The following TSPYL2 variants were observed in gnomAD, a reference collection of about 807,000 sequenced individuals.
TSPYL2 encodes the protein testis-specific Y-encoded-like protein 2.
In TSPYL2, 9 loss-of-function variants were observed where a neutral mutation model predicts 33.0. That is an observed-to-expected ratio of 0.27 (90% CI 0.16 to 0.48). The LOEUF is 0.48. Ranked by LOEUF, TSPYL2 falls within the 20% of genes least tolerant of loss-of-function variation. The probability of loss-of-function intolerance (pLI) is 0.99; values close to 1 mark genes in which losing one functional copy is unlikely to be tolerated. For missense variants in TSPYL2, 636 were observed against 586.2 expected (o/e 1.08, Z -0.88); for synonymous variants, 330 against 233.6 (o/e 1.41, Z -3.77).
chrX:53,084,403 A>G (rs1382550226), intron 1 of TSPYL2, 142 bp from the exon 2 acceptor site: 8 of 511,596 alleles, frequency 1.6e-5, no homozygotes, highest in Non-Finnish European at 2.2e-5. Context: ...GTTATGTCCC[A>G]TGACTCACTT....
intron 6 of TSPYL2, 113 bp downstream of exon 6, chrX:53,086,423 A>G: frequency 1.3e-6 from 1 of 763,586 alleles, no homozygotes; most frequent in Non-Finnish European, 1.9e-6. Context: ...GAGGAAAGAA[A>G]AAGCATTCTG....
Position 53,086,299 on chromosome X carries a change from G to T in TSPYL2, c.1907G>T (p.Gly636Val). ...IISDESVEEEGIEEGIQQDED... is the reference protein window; with the variant it reads ...IISDESVEEEVIEEGIQQDED... ...TCAGACGAATCAGTGGAAGAAGAGGGCATTGAGGAAGGTGAGCTAATCCCC... is the reference window on the plus strand; with the variant it reads ...TCAGACGAATCAGTGGAAGAAGAGGTCATTGAGGAAGGTGAGCTAATCCCC... The change falls in exon 6 of 7, where the codon GGC (glycine) becomes GTC (valine). Residue 636 changes from glycine (G) to valine (V), a missense_variant. Physicochemically the swap from Gly to Val is moderately radical, Grantham distance 109 (BLOSUM62 -3). Coordinates refer to ENST00000375442, the MANE Select transcript of TSPYL2 (RefSeq NM_022117.4). 8.3e-7 allele frequency: 1 copy of T among 1,203,570 alleles called. No homozygotes were observed. The highest frequency in any genetic ancestry group is 1.1e-6 in the Non-Finnish European group (1 of 891,102).
Position 53,084,573 on chromosome X carries a change from T to G in TSPYL2, c.836T>G (p.Leu279Trp). The change falls in exon 2 of 7, where the codon TTG becomes TGG. Residue 279 changes from leucine (L) to tryptophan (W), a missense_variant. By Grantham distance (61) the Leu-to-Trp change is moderately conservative. This residue lies in a region of TSPYL2 where 401 missense variants were observed against 363.0 expected (regional missense o/e 1.10). Transcript: ENST00000375442. ...AFLNHPRISI[L>W]INRRDEDIFR... The stretch of plus-strand genomic sequence containing the variant: ...CTCAACCACCCCAGAATTTCAATTT[T>G]GATCAACCGACGTGATGAAGACATT... 2 of 1,177,923 alleles carry G rather than the reference T, an allele frequency of 1.7e-6. No homozygotes were observed. The highest frequency in any genetic ancestry group is 1.1e-6 in the Non-Finnish European group (1 of 877,557).
At chrX:53,084,277 C>T (rs781871833) in intron 1 of TSPYL2, among the ~76,000 whole-genome samples, 4 of 112,191 alleles carry the variant, frequency 3.6e-5, no homozygotes, top group South Asian at 7.4e-4. Context: ...AGCCCCCAGA[C>T]GTGCATTTTG....
In TSPYL2 at chrX:53,083,308, A is replaced by G; in HGVS notation, c.807+3A>G. On this transcript the variant is annotated splice_donor_region_variant and intron_variant, in intron 1 of 6. Transcript: ENST00000375442. Reference sequence around the variant, plus strand: ...TCCCAGGCTTCTGGGTCAAAGCAGTATCCTTCTAATCGATACTCCGTAGGT... The same window carrying G: ...TCCCAGGCTTCTGGGTCAAAGCAGTGTCCTTCTAATCGATACTCCGTAGGT... 8.3e-7 allele frequency: 1 copy of G among 1,201,542 alleles called. No homozygotes were observed. The highest frequency in any genetic ancestry group is 1.1e-6 in the Non-Finnish European group (1 of 888,743).
chrX:53,086,654 C>T (rs923059035), intron 6 of TSPYL2: 8 of 269,600 alleles, frequency 3.0e-5, no homozygotes, highest in South Asian at 2.2e-4. Flanking sequence ...AGTCTGTACC[C>T]GGCCTTGGCC....
Position 53,086,327 on chromosome X carries a change from C to CCA in TSPYL2, c.1918+19_1918+20dup. 1 of 1,153,634 alleles carries CCA rather than the reference C, an allele frequency of 8.7e-7. No individual in the cohort carries two copies. The highest frequency in any genetic ancestry group is 1.2e-6 in the Non-Finnish European group (1 of 855,607). On this transcript the variant is annotated intron_variant, in intron 6 of 6. Coordinates refer to ENST00000375442, the MANE Select transcript of TSPYL2 (RefSeq NM_022117.4). ...TTGAGGAAGGTGAGCTAATCCCCCC[C>CCA]CACCCTTGTCTTCCCTCTTTTCTTT...
At position 53,084,815 on chromosome X, in the gene TSPYL2, C is replaced by A; in HGVS notation, c.946C>A (p.Pro316Thr). 1 of 1,211,458 alleles carries A rather than the reference C, an allele frequency of 8.3e-7. No individual in the cohort carries two copies. ...AATGAAGCTGTACTTCCAGACTAAC[C>A]CCTACTTCACAAACATGGTGATTGT... ...YKMKLYFQTN[P>T]YFTNMVIVKE... The change falls in exon 3 of 7, where the codon CCC becomes ACC. Residue 316 changes from proline to threonine, a missense_variant. Transcript: ENST00000375442.
intron 5 of TSPYL2, 154 bp downstream of exon 5, chrX:53,085,475 T>C: frequency 1.3e-6 from 1 of 746,879 alleles, no homozygotes; most frequent in Non-Finnish European, 1.9e-6. Context: ...TGGCTTGAGG[T>C]TACACAGTCA....
Position 53,082,867 on chromosome X carries a change from C to T in TSPYL2, c.369C>T (p.Ala123=), listed in dbSNP as rs782134204. 3.2e-5 allele frequency: 39 copies of T among 1,209,758 alleles called. No individual in the cohort carries two copies. The highest frequency in any genetic ancestry group is 3.8e-5 in the Non-Finnish European group (34 of 894,763). The change falls in exon 1 of 7, where the codon GCC becomes GCT. Residue 123 remains alanine, a synonymous_variant. Coordinates refer to ENST00000375442, the MANE Select transcript of TSPYL2 (RefSeq NM_022117.4). ...TGGAAGCACTCCCCACTCCTGAGGC[C>T]TCGGGGGGGAGCCTGGAAATCGATT... ...ESLEALPTPE[A]SGGSLEIDFQ...
In TSPYL2 at chrX:53,088,208, G is replaced by A. The variant is rs929090488; in HGVS notation, c.*269G>A. The A allele has an allele frequency of 5.9e-6, 2 of 338,340 alleles. No homozygotes were observed. Among genetic ancestry groups the A allele is most frequent in the Non-Finnish European group, 1.0e-5 (2 of 192,360 alleles). 27.9% of individuals were successfully genotyped at this position (338,340 alleles called of 1,213,427 possible). A position where few individuals can be genotyped will look rare whatever the true frequency, so the allele number is the denominator to read the frequency against. ...TGTATTTATTGTGATGCCTTGGTCAGGGCCCCTCTACCCACTTCTCCCAGT... is the reference window on the plus strand; with the variant it reads ...TGTATTTATTGTGATGCCTTGGTCAAGGCCCCTCTACCCACTTCTCCCAGT... On this transcript the variant is annotated 3_prime_UTR_variant, in exon 7 of 7. Coordinates refer to ENST00000375442, the MANE Select transcript of TSPYL2 (RefSeq NM_022117.4).
At position 53,087,781 on chromosome X, in the gene TSPYL2, C is replaced by G. The variant is rs959621239; in HGVS notation, c.1924C>G (p.Gln642Glu). 5.0e-6 allele frequency: 6 copies of G among 1,208,106 alleles called. No homozygotes were observed. The highest frequency in any genetic ancestry group is 6.7e-6 in the Non-Finnish European group (6 of 893,290). ...VEEEGIEEGI[Q>E]QDEDIYEEGN... ...CTTGCTTCTCCCCTATGCAGGCATC[C>G]AGCAAGATGAGGACATCTATGAGGA... The change falls in exon 7 of 7, where the codon CAG (glutamine) becomes GAG (glutamate). Residue 642 changes from glutamine to glutamate, a missense_variant. Physicochemically the swap from Gln to Glu is conservative, Grantham distance 29. Around this residue, in one of 3 missense-constraint regions of TSPYL2, gnomAD observed 401 missense variants for 363.0 expected, o/e 1.10. Transcript: ENST00000375442.
chrX:53,087,755 C>A, intron 6 of TSPYL2, 21 bp from the exon 7 acceptor site: 1 of 1,194,100 alleles, frequency 8.4e-7, no homozygotes. Flanking sequence ...ATTTCCCCTT[C>A]CTTGCTTCTC....
In TSPYL2 at chrX:53,086,111, T is replaced by C. The variant is rs781984284; in HGVS notation, c.1719T>C (p.Asp573=). ...CAGATGAGGCCAGTGATGATGAAGA[T>C]AATGATGGCAACGAAGGTGACAATG... ...NEADEASDDE[D]NDGNEGDNEG... The change falls in exon 6 of 7, where the codon GAT becomes GAC. Residue 573 remains aspartate (D), a synonymous_variant. Coordinates refer to ENST00000375442, the MANE Select transcript of TSPYL2 (RefSeq NM_022117.4). The C allele has an allele frequency of 1.6e-5, 19 of 1,178,474 alleles. No individual in the cohort carries two copies. Among genetic ancestry groups the C allele is most frequent in the Non-Finnish European group, 2.2e-5 (19 of 879,364 alleles).
chrX:53,086,809 A>G, intron 6 of TSPYL2: 1 of 141,790 alleles, frequency 7.1e-6, no homozygotes, highest in Non-Finnish European at 1.4e-5. Context: ...AAAAGGTGAC[A>G]TTTGAACTGG....
chrX:53,088,225 T>A lies in TSPYL2; in HGVS notation c.*286T>A. On this transcript the variant is annotated 3_prime_UTR_variant, in exon 7 of 7. Transcript: ENST00000375442. ...CTTGGTCAGGGCCCCTCTACCCACT[T>A]CTCCCAGTCAGTTGTGGCCCCAGCC... 1 of 302,614 alleles carries A rather than the reference T, an allele frequency of 3.3e-6. No individual in the cohort carries two copies. Among genetic ancestry groups the A allele is most frequent in the Admixed American group, 5.1e-5 (1 of 19,640 alleles). The allele number at this position is 302,614 out of a possible 1,213,427, so 24.9% of individuals were successfully genotyped here. A position where few individuals can be genotyped will look rare whatever the true frequency, so the allele number is the denominator to read the frequency against.
chrX:53,086,543 A>C, intron 6 of TSPYL2: 1 of 430,223 alleles, frequency 2.3e-6, no homozygotes, highest in Non-Finnish European at 4.1e-6. Context: ...GTAACAGCAG[A>C]AGATGAAGAG....
chrX:53,087,913 C>G lies in TSPYL2; in HGVS notation c.2056C>G (p.Pro686Ala), dbSNP rs370419229. Residue 686 changes from proline (P) to alanine (A), a missense_variant, in exon 7 of 7, where the codon CCG becomes GCG. Transcript: ENST00000375442. ...VLQVPNGWAN[P>A]GKRGKTG ...TCAGGTCCCAAACGGTTGGGCCAATCCGGGGAAGAGGGGGAAAACCGGATA... is the reference window on the plus strand; with the variant it reads ...TCAGGTCCCAAACGGTTGGGCCAATGCGGGGAAGAGGGGGAAAACCGGATA... The G allele has an allele frequency of 6.7e-5, 81 of 1,210,179 alleles. 1 individual carries two copies. The highest frequency in any genetic ancestry group is 5.0e-4 in the Admixed American group (23 of 45,938).
chrX:53,084,479 C>T (rs1439419498), intron 1 of TSPYL2, 66 bp from the exon 2 acceptor site: 9 of 978,903 alleles, frequency 9.2e-6, no homozygotes, highest in Admixed American at 3.1e-5. Flanking sequence ...CTGTGCCCTT[C>T]CTGGCCTTCC....
Sources: allele counts gnomAD v4.1 joint callset (sites outside exome capture counted in the v4.1 genomes callset), GRCh38; gene constraint gnomAD v4.1.1; regional missense constraint gnomAD v4.1.1; transcripts MANE v1.5; gene names NCBI Gene and HGNC (gene_info 2026-07-23, HGNC 2026-07-21).